The following GABRA2 variants were observed in gnomAD, a reference collection of about 807,000 sequenced individuals.
GABRA2 encodes the protein gamma-aminobutyric acid type A receptor subunit alpha2, also known as gamma-aminobutyric acid receptor subunit alpha-2.
In GABRA2, 16 loss-of-function variants were observed where a neutral mutation model predicts 48.7. The observed-to-expected ratio is 0.33, with a 90% CI of 0.22 to 0.50. GABRA2 has a LOEUF of 0.50. Among genes scored for constraint, GABRA2 ranks in the 20% least tolerant of loss-of-function variants. GABRA2 has a pLI of 0.98. For missense variants in GABRA2, 275 were observed against 535.6 expected, an observed-to-expected ratio of 0.51 and a Z score of 4.80; for synonymous variants, 185 against 184.5, an observed-to-expected ratio of 1.00 and a Z score of -0.02.
chr4:46,338,445 T>C (rs945353757), intron 3 of GABRA2, among the ~76,000 whole-genome samples: 4 of 151,960 alleles, frequency 2.6e-5, no homozygotes, highest in Admixed American at 2.6e-4. Flanking sequence ...GTATTTTAGG[T>C]TATTGCATTA....
intron 6 of GABRA2, among the ~76,000 whole-genome samples, chr4:46,307,767 T>C (rs533874990): frequency 7.2e-5 from 11 of 152,170 alleles, no homozygotes; most frequent in Non-Finnish European, 1.6e-4. Flanking sequence ...ATTCTTCACA[T>C]GTCTTTTGAA....
intron 3 of GABRA2, among the ~76,000 whole-genome samples, chr4:46,346,166 A>G (rs1468344655): frequency 1.3e-5 from 2 of 151,962 alleles, no homozygotes; most frequent in African/African-American, 4.8e-5. Context: ...AAAGTCAACA[A>G]ATACTTAAGT....
intron 4 of GABRA2, among the ~76,000 whole-genome samples, chr4:46,319,236 T>A (rs926355116): frequency 6.6e-6 from 1 of 151,822 alleles, no homozygotes; most frequent in Non-Finnish European, 1.5e-5. Flanking sequence ...TCAGTACTTA[T>A]AGCCAATTCC....
At chr4:46,348,237 A>G (rs1734493197) in intron 3 of GABRA2, among the ~76,000 whole-genome samples, 1 of 152,094 alleles carries the variant, frequency 6.6e-6, no homozygotes, top group African/African-American at 2.4e-5. Flanking sequence ...ACCATCTCAC[A>G]CCAGTTAGAA....
intron 8 of GABRA2, among the ~76,000 whole-genome samples, chr4:46,291,034 G>C (rs951689564): frequency 6.6e-6 from 1 of 152,026 alleles, no homozygotes; most frequent in African/African-American, 2.4e-5. Context: ...ATGGATATTA[G>C]TATATAGTTT....
chr4:46,256,784 G>A (rs1424083113), intron 9 of GABRA2, among the ~76,000 whole-genome samples: 1 of 151,610 alleles, frequency 6.6e-6, no homozygotes, highest in African/African-American at 2.4e-5. Flanking sequence ...AAGGCAGGAT[G>A]TTATAAATGC....
At chr4:46,300,867 T>C (rs1196005014) in intron 8 of GABRA2, among the ~76,000 whole-genome samples, 3 of 152,094 alleles carry the variant, frequency 2.0e-5, no homozygotes, top group African/African-American at 7.2e-5. Context: ...TAAAATAGCC[T>C]AATAATTTCT....
chr4:46,328,941 T>C (rs1193348524), intron 4 of GABRA2, among the ~76,000 whole-genome samples: 1 of 152,116 alleles, frequency 6.6e-6, no homozygotes, highest in Admixed American at 6.6e-5. Flanking sequence ...ATAAAATGTA[T>C]ATTTTTTTAA....
chr4:46,390,062 G>C lies in GABRA2; in HGVS notation c.-338C>G, dbSNP rs1020935626. The stretch of plus-strand genomic sequence containing the variant: ...GATGACAGGAGCTGGGGCCGGGGGG[G>C]GAAATTGGGGGGACGCGGGCGGAGG... On this transcript the variant is annotated 5_prime_UTR_variant, in exon 1 of 10. Coordinates refer to ENST00000381620, the MANE Select transcript of GABRA2 (RefSeq NM_000807.4). 2.5e-5 allele frequency: 5 copies of C among 196,354 alleles called. No homozygotes were observed. Among genetic ancestry groups the C allele is most frequent in the African/African-American group, 7.7e-5 (3 of 38,828 alleles). 12.2% of individuals were successfully genotyped at this position (196,354 alleles called of 1,614,324 possible). A position where few individuals can be genotyped will look rare whatever the true frequency, so the allele number is the denominator to read the frequency against.
chr4:46,356,550 G>T (rs1736002862), intron 3 of GABRA2, among the ~76,000 whole-genome samples: 1 of 151,980 alleles, frequency 6.6e-6, no homozygotes, highest in Non-Finnish European at 1.5e-5. Flanking sequence ...GCATAAATAA[G>T]TATGCCTTTG....
At chr4:46,382,025 G>A (rs1003663465) in intron 3 of GABRA2, among the ~76,000 whole-genome samples, 2 of 152,072 alleles carry the variant, frequency 1.3e-5, no homozygotes, top group Admixed American at 1.3e-4. Context: ...CTTACTATGT[G>A]CCAGGCACGG....
At chr4:46,356,244 C>T (rs999612702) in intron 3 of GABRA2, among the ~76,000 whole-genome samples, 1 of 152,126 alleles carries the variant, frequency 6.6e-6, no homozygotes, top group African/African-American at 2.4e-5. Context: ...CTTTTAATCC[C>T]TTTTCCCAAG....
intron 8 of GABRA2, among the ~76,000 whole-genome samples, chr4:46,297,817 T>C (rs1725028863): frequency 6.6e-6 from 1 of 152,044 alleles, no homozygotes; most frequent in Non-Finnish European, 1.5e-5. Context: ...TATGTTTTTA[T>C]TCCTTTAGAG....
chr4:46,389,149 A>AC (rs1381097451), intron 1 of GABRA2: 3 of 989,990 alleles, frequency 3.0e-6, no homozygotes, highest in Non-Finnish European at 3.6e-6. Context: ...TCACGCCACA[A>AC]CCCCCTCAAC....
intron 8 of GABRA2, among the ~76,000 whole-genome samples, chr4:46,278,338 T>G (rs1325902426): frequency 1.3e-5 from 2 of 152,282 alleles, no homozygotes; most frequent in East Asian, 3.9e-4. Context: ...ATGGGGTAGA[T>G]AGCATATGCT....
chr4:46,248,194 G>A lies in GABRA2; in HGVS notation c.*2114C>T, dbSNP rs185396117. Among the ~76,000 whole-genome samples, 351 of 151,228 alleles carry A rather than the reference G, an allele frequency of 2.3e-3. 1 individual carries two copies. The highest frequency in any genetic ancestry group is 7.9e-3 in the African/African-American group (329 of 41,404). On this transcript the variant is annotated 3_prime_UTR_variant, in exon 10 of 10. Coordinates refer to ENST00000381620, the MANE Select transcript of GABRA2 (RefSeq NM_000807.4). Reference sequence around the variant, plus strand: ...TAGTCAGACATTAAGGGGGCAATGCGGACTTTACAAGACAAATATTCTTAA... The same window carrying A: ...TAGTCAGACATTAAGGGGGCAATGCAGACTTTACAAGACAAATATTCTTAA...
intron 8 of GABRA2, among the ~76,000 whole-genome samples, chr4:46,275,188 C>G (rs1451475284): frequency 6.6e-6 from 1 of 151,992 alleles, no homozygotes; most frequent in African/African-American, 2.4e-5. Context: ...TCTTAATGAC[C>G]AAACTACTCT....
At position 46,248,452 on chromosome 4, in the gene GABRA2, C is replaced by T. The variant is rs550111999; in HGVS notation, c.*1856G>A. 1.4e-4 allele frequency: 21 copies of T among 151,420 alleles called. No individual in the cohort carries two copies. The East Asian group carries it at 2.9e-3, about 21-fold the overall frequency. The allele number at this position is 151,420 out of a possible 1,614,324, so 9.4% of individuals were successfully genotyped here. A position where few individuals can be genotyped will look rare whatever the true frequency, so the allele number is the denominator to read the frequency against. On this transcript the variant is annotated 3_prime_UTR_variant, in exon 10 of 10. Transcript: ENST00000381620. ...GGAATTAAAGAAATACATTTATTGG[C>T]TCATGTAACAATTTTATTTTATTAA...
chr4:46,328,666 A>C (rs945489636), intron 4 of GABRA2, among the ~76,000 whole-genome samples: 2 of 151,664 alleles, frequency 1.3e-5, no homozygotes, highest in Non-Finnish European at 2.9e-5. Context: ...TTTAGGGTAC[A>C]TGTGCACATT....
Sources: allele counts gnomAD v4.1 joint callset (sites outside exome capture counted in the v4.1 genomes callset), GRCh38; gene constraint gnomAD v4.1.1; transcripts MANE v1.5; gene names NCBI Gene and HGNC (gene_info 2026-07-23, HGNC 2026-07-21).